IPP: variants seen among roughly 807,000 people sequenced by gnomAD.
The protein encoded by IPP is actin-binding protein IPP.
Under a neutral mutation model 64.1 loss-of-function variants are expected in IPP, and 41 were observed. The ratio of observed to expected loss-of-function variants is 0.64; its 90% CI spans 0.50 to 0.83. The LOEUF (loss-of-function observed/expected upper bound fraction) is 0.83, where lower values mean the gene tolerates loss of function less well. IPP is among the 40% of genes least tolerant of loss of function. The probability of loss-of-function intolerance (pLI) is 0.00; values close to 1 mark genes in which losing one functional copy is unlikely to be tolerated. For missense variants in IPP, 649 were observed against 703.0 expected (o/e 0.92, Z 0.87); for synonymous variants, 214 against 235.2 (o/e 0.91, Z 0.83).
chr1:45,739,706 C>T (rs1253432142), intron 3 of IPP, among the ~76,000 whole-genome samples: 1 of 151,724 alleles, frequency 6.6e-6, no homozygotes, highest in African/African-American at 2.4e-5. Flanking sequence ...TATATCAATA[C>T]CAAATTTATT....
At chr1:45,704,655 C>T (rs889880357) in intron 8 of IPP, among the ~76,000 whole-genome samples, 1 of 152,164 alleles carries the variant, frequency 6.6e-6, no homozygotes, top group East Asian at 1.9e-4. Context: ...TACAATATAA[C>T]TGCACAAATA....
At chr1:45,738,256 C>T (rs1292624927) in intron 3 of IPP, among the ~76,000 whole-genome samples, 1 of 152,094 alleles carries the variant, frequency 6.6e-6, no homozygotes, top group Non-Finnish European at 1.5e-5. Context: ...TCTGTCTTCT[C>T]ATTTCAGCTC....
intron 5 of IPP, among the ~76,000 whole-genome samples, chr1:45,725,094 G>T (rs1433252975): frequency 2.2e-5 from 3 of 137,242 alleles, no homozygotes; most frequent in Non-Finnish European, 3.1e-5. Flanking sequence ...CCGGCCAGCC[G>T]CCCCGTCCGG....
At chr1:45,725,113 A>T (rs1228171196) in intron 5 of IPP, among the ~76,000 whole-genome samples, 5 of 18,510 alleles carry the variant, frequency 2.7e-4, no homozygotes, top group East Asian at 1.7e-3. Flanking sequence ...GGGAGGGGGG[A>T]GGGGGGGTCA....
In IPP at chr1:45,700,046, A is replaced by G. The variant is rs1314868171; in HGVS notation, c.1675T>C (p.Tyr559His). 1.2e-6 allele frequency: 2 copies of G among 1,614,066 alleles called. No homozygotes were observed. The highest frequency in any genetic ancestry group is 1.7e-6 in the Non-Finnish European group (2 of 1,180,034). Residue 559 changes from tyrosine (Y) to histidine (H), a missense_variant, in exon 9 of 9, where the codon TAT becomes CAT. By Grantham distance (83) the Tyr-to-His change is moderately conservative. Transcript: ENST00000396478. ...APGTLDSVEV[Y>H]NPHSDTWTEI... is the part of the protein sequence containing the mutation. ...GTCCATGTATCTGAATGAGGGTTAT[A>G]AACTTCAACTGAGTCCAAGGTACCT...
intron 8 of IPP, among the ~76,000 whole-genome samples, chr1:45,702,909 C>T (rs1645473293): frequency 6.6e-6 from 1 of 152,042 alleles, no homozygotes; most frequent in Non-Finnish European, 1.5e-5. Context: ...TGAAATGTCA[C>T]CAAAGTTTAA....
intron 2 of IPP, among the ~76,000 whole-genome samples, chr1:45,744,201 G>A (rs770116949): frequency 1.6e-4 from 24 of 152,076 alleles, no homozygotes; most frequent in Non-Finnish European, 3.2e-4. Flanking sequence ...GCCCAGGCTG[G>A]AGTGCAGTAG....
intron 5 of IPP, among the ~76,000 whole-genome samples, chr1:45,724,133 C>T (rs1645771405): frequency 1.3e-5 from 2 of 152,078 alleles, no homozygotes; most frequent in South Asian, 2.1e-4. Flanking sequence ...AGGCGCGCGC[C>T]GCCACGCCTG....
rs558181629 is a variant in IPP, at chr1:45,746,353, G to C, written c.59C>G (p.Ala20Gly). ...ATTGATTTGGGCCAAGATGAGTTGG[G>C]CATGTTTATCTGATGAAAAAGGACT... ...ADSPFSSDKHAQLILAQINKM... is the reference protein window; with the variant it reads ...ADSPFSSDKHGQLILAQINKM... Residue 20 changes from alanine to glycine, a missense_variant, in exon 2 of 9, where the codon GCC becomes GGC. By Grantham distance (60) the Ala-to-Gly change is moderately conservative. Coordinates refer to ENST00000396478, the MANE Select transcript of IPP (RefSeq NM_005897.3). The C allele has an allele frequency of 1.2e-5, 19 of 1,613,642 alleles. No individual in the cohort carries two copies. The African/African-American group carries it at 2.5e-4, about 22-fold the overall frequency.
At chr1:45,714,154 A>C in intron 8 of IPP, 92 bp downstream of exon 8, 1 of 898,884 alleles carries the variant, frequency 1.1e-6, no homozygotes, top group South Asian at 1.6e-5. Flanking sequence ...ACGAATGATC[A>C]ATATCATGAG....
intron 3 of IPP, among the ~76,000 whole-genome samples, chr1:45,734,317 T>C (rs1645948073): frequency 6.6e-6 from 1 of 152,138 alleles, no homozygotes; most frequent in Non-Finnish European, 1.5e-5. Flanking sequence ...CAAGGGAACA[T>C]AAATCTGAAA....
At position 45,698,860 on chromosome 1, in the gene IPP, A is replaced by G. The variant is rs796260698; in HGVS notation, c.*1106T>C. The stretch of plus-strand genomic sequence containing the variant: ...CAGCCTCCCAAGCAGATGGGACCAC[A>G]GGTACAAGCCACAACGCCCGGCTAA... On this transcript the variant is annotated 3_prime_UTR_variant, in exon 9 of 9. Coordinates refer to ENST00000396478, the MANE Select transcript of IPP (RefSeq NM_005897.3). 33 of 283,240 alleles carry G rather than the reference A, an allele frequency of 1.2e-4. No homozygotes were observed. Among genetic ancestry groups the G allele is most frequent in the African/African-American group, 7.1e-4 (31 of 43,828 alleles). 17.5% of individuals were successfully genotyped at this position (283,240 alleles called of 1,614,324 possible).
At chr1:45,745,490 T>A (rs554434610) in intron 2 of IPP, among the ~76,000 whole-genome samples, 1 of 152,258 alleles carries the variant, frequency 6.6e-6, no homozygotes, top group South Asian at 2.1e-4. Flanking sequence ...ATTTGTGAGA[T>A]CTATACATGT....
intron 5 of IPP, among the ~76,000 whole-genome samples, chr1:45,721,973 G>A (rs1645738789): frequency 6.6e-6 from 1 of 152,182 alleles, no homozygotes; most frequent in African/African-American, 2.4e-5. Context: ...GGAGGCTGAG[G>A]CAGGAGAATC....
At chr1:45,734,617 A>G (rs907127005) in intron 3 of IPP, among the ~76,000 whole-genome samples, 1 of 151,714 alleles carries the variant, frequency 6.6e-6, no homozygotes, top group Non-Finnish European at 1.5e-5. Context: ...ATTTTAAATT[A>G]TTTACTTATT....
At chr1:45,747,102 G>A (rs778938940) in intron 1 of IPP, among the ~76,000 whole-genome samples, 21 of 151,650 alleles carry the variant, frequency 1.4e-4, no homozygotes, top group Non-Finnish European at 2.8e-4. Flanking sequence ...CTTAGTGCGC[G>A]CATGCGCGCG....
chr1:45,736,513 A>G (rs1224326450), intron 3 of IPP, among the ~76,000 whole-genome samples: 1 of 152,120 alleles, frequency 6.6e-6, no homozygotes, highest in African/African-American at 2.4e-5. Flanking sequence ...TCATTTTTCT[A>G]CACAAGTTGC....
chr1:45,749,525 G>GTTTTTTGTTTTTT (rs1553194755), intron 1 of IPP, among the ~76,000 whole-genome samples: 2 of 107,090 alleles, frequency 1.9e-5, no homozygotes, highest in East Asian at 3.0e-4. Context: ...TTTGTTTTTT[G>GTTTTTTGTTTTTT]TTTTTTTTTT....
chr1:45,707,055 C>T (rs1164748062), intron 8 of IPP, among the ~76,000 whole-genome samples: 3 of 152,176 alleles, frequency 2.0e-5, no homozygotes, highest in African/African-American at 7.2e-5. Context: ...CCCTGAGCAA[C>T]ACAGCAAAAC....
Sources: allele counts gnomAD v4.1 joint callset (sites outside exome capture counted in the v4.1 genomes callset), GRCh38; gene constraint gnomAD v4.1.1; transcripts MANE v1.5; gene names NCBI Gene and HGNC (gene_info 2026-07-23, HGNC 2026-07-21).